The following SLC25A33 variants were observed in gnomAD, a reference collection of about 807,000 sequenced individuals.
SLC25A33 encodes solute carrier family 25 member 33.
Under a neutral mutation model 35.5 loss-of-function variants are expected in SLC25A33, and 15 were observed. The ratio of observed to expected loss-of-function variants is 0.42; its 90% CI spans 0.28 to 0.65. SLC25A33 has a LOEUF of 0.65. Ranked by LOEUF, SLC25A33 falls within the 30% of genes least tolerant of loss-of-function variation. The pLI is 0.20. For synonymous variants in SLC25A33, 136 were observed against 148.7 expected (o/e 0.91, Z 0.62); for missense variants, 257 against 398.5 (o/e 0.64, Z 3.02).
chr1:9,550,552 C>T (rs1278935756), intron 1 of SLC25A33, among the ~76,000 whole-genome samples: 1 of 152,066 alleles, frequency 6.6e-6, no homozygotes, highest in Non-Finnish European at 1.5e-5. Context: ...GTAAGTTTCT[C>T]AGTATCTTTA....
chr1:9,580,775 G>A (rs1379701947), intron 6 of SLC25A33, among the ~76,000 whole-genome samples: 1 of 151,496 alleles, frequency 6.6e-6, no homozygotes, highest in Admixed American at 6.6e-5. Flanking sequence ...AGAATCGCTT[G>A]AACCCGGGAG....
Position 9,567,284 on chromosome 1 carries a change from G to A in SLC25A33, c.237G>A (p.Lys79=), listed in dbSNP as rs1347330275. 3 of 1,613,774 alleles carry A rather than the reference G, an allele frequency of 1.9e-6. No individual in the cohort carries two copies. Among genetic ancestry groups the A allele is most frequent in the Non-Finnish European group, 2.5e-6 (3 of 1,179,876 alleles). ...SVTPGLFQVL[K]SILEKEGPKS... ...AGGTTTGTCTTTTCTTATTATTCAG[G>A]TCGATCTTGGAGAAAGAGGGACCAA... Residue 79 remains lysine (K), a splice_region_variant and synonymous_variant, in exon 3 of 7, where the codon AAG becomes AAA. Coordinates refer to ENST00000302692, the MANE Select transcript of SLC25A33 (RefSeq NM_032315.3).
chr1:9,562,297 G>A (rs888033940), intron 2 of SLC25A33, among the ~76,000 whole-genome samples: 4 of 147,968 alleles, frequency 2.7e-5, no homozygotes, highest in Admixed American at 1.4e-4. Context: ...GCAGTGAGCC[G>A]AGATGCAGCC....
At chr1:9,570,855 A>G (rs1643580752) in intron 4 of SLC25A33, among the ~76,000 whole-genome samples, 1 of 151,580 alleles carries the variant, frequency 6.6e-6, no homozygotes, top group African/African-American at 2.4e-5. Flanking sequence ...TGAGATTACA[A>G]GTATTTGCCA....
intron 1 of SLC25A33, among the ~76,000 whole-genome samples, chr1:9,543,386 C>T (rs756039100): frequency 2.0e-5 from 3 of 152,142 alleles, no homozygotes; most frequent in Middle Eastern, 6.3e-3. Context: ...TCAGGTGATC[C>T]GCCCACCTCA....
intron 1 of SLC25A33, among the ~76,000 whole-genome samples, chr1:9,547,079 A>G (rs1277367352): frequency 6.6e-6 from 1 of 152,222 alleles, no homozygotes; most frequent in African/African-American, 2.4e-5. Context: ...GGCAAAGTAG[A>G]TGTTATGATG....
intron 1 of SLC25A33, among the ~76,000 whole-genome samples, chr1:9,553,230 G>GTTTTTTTTTTTT (rs1340250968): frequency 1.9e-4 from 17 of 91,226 alleles, no homozygotes; most frequent in South Asian, 8.3e-4. Flanking sequence ...TTTTTTTTGG[G>GTTTTTTTTTTTT]TTTTTTTTTT....
chr1:9,565,244 A>G (rs557319136), intron 2 of SLC25A33, among the ~76,000 whole-genome samples: 2 of 152,198 alleles, frequency 1.3e-5, no homozygotes, highest in East Asian at 1.9e-4. Flanking sequence ...AATGGTTACA[A>G]TGTGGCTCTC....
chr1:9,583,526 A>G lies in SLC25A33; in HGVS notation c.*1025A>G, dbSNP rs1183670252. On this transcript the variant is annotated 3_prime_UTR_variant, in exon 7 of 7. Coordinates refer to ENST00000302692, the MANE Select transcript of SLC25A33 (RefSeq NM_032315.3). ...CAGTTGCCTTGTTAAGTGTGTTGAC[A>G]GCACAGCTACCCTGTTTGGCTGTGA... 1.3e-5 allele frequency: 2 copies of G among 152,206 alleles called. No homozygotes were observed. The highest frequency in any genetic ancestry group is 4.8e-5 in the African/African-American group (2 of 41,450). The allele number at this position is 152,206 out of a possible 1,614,324, so 9.4% of individuals were successfully genotyped here. A position where few individuals can be genotyped will look rare whatever the true frequency, so the allele number is the denominator to read the frequency against.
Position 9,578,344 on chromosome 1 carries a change from C to G in SLC25A33, c.483-1610C>G, listed in dbSNP as rs1279505809. 4.6e-5 allele frequency among the ~76,000 whole-genome samples: 7 copies of G among 152,154 alleles called. No homozygotes were observed. Among genetic ancestry groups the G allele is most frequent in the Admixed American group, 1.3e-4 (2 of 15,276 alleles). On this transcript the variant is annotated intron_variant, in intron 5 of 6. Coordinates refer to ENST00000302692, the MANE Select transcript of SLC25A33 (RefSeq NM_032315.3). The surrounding 1 kb of genome is among the most constrained non-coding windows in gnomAD (Gnocchi z 4.3). ...GGAGAGAGGCCAGCTGAGACTGAAG[C>G]CCAAGGGGCCCCAGGTCTGCGCCCG...
intron 1 of SLC25A33, among the ~76,000 whole-genome samples, chr1:9,549,332 G>C (rs374716058): frequency 1.4e-4 from 20 of 141,074 alleles, no homozygotes; most frequent in African/African-American, 4.4e-4. Context: ...GGATCAATGG[G>C]GGGGATGAAC....
chr1:9,541,706 A>C (rs1390571933), intron 1 of SLC25A33, among the ~76,000 whole-genome samples: 2 of 146,340 alleles, frequency 1.4e-5, no homozygotes, highest in African/African-American at 5.0e-5. Context: ...TTTGTCTCAC[A>C]CGTTTTTTAA....
At chr1:9,564,491 A>C (rs1293034571) in intron 2 of SLC25A33, among the ~76,000 whole-genome samples, 1 of 152,102 alleles carries the variant, frequency 6.6e-6, no homozygotes, top group Non-Finnish European at 1.5e-5. Context: ...AGCACTACAT[A>C]TAATAGCCAA....
chr1:9,561,494 T>C (rs1643423829), intron 2 of SLC25A33, among the ~76,000 whole-genome samples: 1 of 152,170 alleles, frequency 6.6e-6, no homozygotes, highest in South Asian at 2.1e-4. Flanking sequence ...CTGGGCTTGA[T>C]TTTGCAGCTG....
At chr1:9,571,623 G>A (rs1353195523) in intron 4 of SLC25A33, among the ~76,000 whole-genome samples, 1 of 145,288 alleles carries the variant, frequency 6.9e-6, no homozygotes, top group Non-Finnish European at 1.5e-5. Context: ...AAACAGAAGG[G>A]TTTTTTTTTT....
intron 3 of SLC25A33, among the ~76,000 whole-genome samples, chr1:9,568,095 T>C (rs938514753): frequency 6.6e-5 from 10 of 152,174 alleles, no homozygotes; most frequent in African/African-American, 2.4e-4. Context: ...CAGTGTATGA[T>C]TGTAAAAGTA....
chr1:9,580,845 ACT>A (rs1643733242), intron 6 of SLC25A33, among the ~76,000 whole-genome samples: 1 of 138,186 alleles, frequency 7.2e-6, no homozygotes, highest in Admixed American at 6.9e-5. Flanking sequence ...ACAGAGCGAG[ACT>A]CTGTCTCAAA....
At chr1:9,553,359 G>A (rs1227188030) in intron 1 of SLC25A33, among the ~76,000 whole-genome samples, 4 of 151,118 alleles carry the variant, frequency 2.6e-5, no homozygotes, top group African/African-American at 9.7e-5. Flanking sequence ...CGAGTAGCTG[G>A]GACTACAGGC....
At chr1:9,549,192 A>C (rs534848308) in intron 1 of SLC25A33, among the ~76,000 whole-genome samples, 63 of 151,970 alleles carry the variant, frequency 4.1e-4, no homozygotes, top group African/African-American at 1.5e-3. Context: ...AATCTTGTTA[A>C]CTCCTAGCGG....
Sources: gnomAD v4.1 joint callset for allele counts (sites outside exome capture counted in the v4.1 genomes callset) on GRCh38, gnomAD v4.1.1 for gene constraint, Gnocchi (gnomAD v3.1) non-coding constraint, MANE v1.5 for transcripts, NCBI Gene and HGNC (gene_info 2026-07-23, HGNC 2026-07-21) for gene names.